Variants in LEKR1 observed in about 807,000 individuals in gnomAD.
LEKR1 encodes protein LEKR1.
In LEKR1, 59 loss-of-function variants were observed where a neutral mutation model predicts 72.4. The observed-to-expected ratio is 0.82, with a 90% CI of 0.66 to 1.01. The LOEUF (loss-of-function observed/expected upper bound fraction) is 1.01. Ranked by LOEUF, LEKR1 falls within the 50% of genes least tolerant of loss-of-function variation. LEKR1 has a pLI of 0.00. For synonymous variants in LEKR1, 257 were observed against 263.2 expected (o/e 0.98, Z 0.23); for missense variants, 728 against 759.2 (o/e 0.96, Z 0.48).
intron 3 of LEKR1, among the ~76,000 whole-genome samples, chr3:156,865,584 A>T (rs1717212927): frequency 1.6e-5 from 2 of 128,594 alleles, no homozygotes; most frequent in South Asian, 5.8e-4. Context: ...GCACATCTAC[A>T]GTCATCCCTC....
chr3:156,897,908 G>A (rs901438066), intron 3 of LEKR1, among the ~76,000 whole-genome samples: 1 of 150,722 alleles, frequency 6.6e-6, no homozygotes, highest in African/African-American at 2.4e-5. Flanking sequence ...AGCTGACATT[G>A]TGCCACTGCA....
intron 9 of LEKR1, among the ~76,000 whole-genome samples, chr3:157,006,152 C>T (rs141321769): frequency 0.088 from 13,372 of 151,626 alleles, 632 homozygotes; most frequent in African/African-American, 0.12. Context: ...ACTACAGGCG[C>T]CCGCCACCGC....
intron 2 of LEKR1, among the ~76,000 whole-genome samples, chr3:156,830,986 T>G (rs1488933489): frequency 6.6e-6 from 1 of 152,228 alleles, no homozygotes; most frequent in Non-Finnish European, 1.5e-5. Context: ...TTGTTTTGTT[T>G]TTTTGCAGTA....
rs976901565 is a variant in LEKR1 at position 157,014,245 on chromosome 3, A to G, written c.1203+2739A>G. 7.2e-5 allele frequency among the ~76,000 whole-genome samples: 11 copies of G among 152,240 alleles called. No individual in the cohort carries two copies. In the East Asian group the frequency reaches 7.7e-4, roughly 11 times the overall value. On this transcript the variant is annotated intron_variant, in intron 10 of 12. Transcript: ENST00000356539. ...TTCTAAGCAAATATTTTCTTAGATT[A>G]TCATCAAGACATCACACTTAAGAAC...
intron 3 of LEKR1, among the ~76,000 whole-genome samples, chr3:156,862,534 CACACAT>C (rs1716888439): frequency 6.6e-6 from 1 of 152,074 alleles, no homozygotes. Context: ...AGGGATGATA[CACACAT>C]TACTCATTGC....
intron 6 of LEKR1, among the ~76,000 whole-genome samples, chr3:156,962,050 C>T (rs753063116): frequency 4.6e-5 from 7 of 152,150 alleles, no homozygotes; most frequent in African/African-American, 1.7e-4. Context: ...TCTAGTCAGC[C>T]CTGATTAGCT....
chr3:156,999,162 C>T (rs1453913200), intron 9 of LEKR1, among the ~76,000 whole-genome samples: 3 of 152,134 alleles, frequency 2.0e-5, no homozygotes, highest in East Asian at 1.9e-4. Flanking sequence ...CCAAGCAATG[C>T]GGAACTGTGA....
At chr3:156,972,055 G>C (rs1007162021) in intron 6 of LEKR1, among the ~76,000 whole-genome samples, 3 of 151,920 alleles carry the variant, frequency 2.0e-5, no homozygotes, top group Admixed American at 6.6e-5. Context: ...TGTTTATTGC[G>C]GCACTATTCA....
At chr3:156,830,119 A>G (rs1224636963) in intron 2 of LEKR1, among the ~76,000 whole-genome samples, 1 of 152,254 alleles carries the variant, frequency 6.6e-6, no homozygotes, top group Non-Finnish European at 1.5e-5. Flanking sequence ...AATTGTAACT[A>G]CGTAAAATTA....
At chr3:156,894,838 A>C (rs780060310) in intron 3 of LEKR1, among the ~76,000 whole-genome samples, 6 of 152,212 alleles carry the variant, frequency 3.9e-5, no homozygotes, top group Non-Finnish European at 8.8e-5. Flanking sequence ...CTGGCTATAC[A>C]TAAGTGGAAG....
intron 3 of LEKR1, among the ~76,000 whole-genome samples, chr3:156,892,552 A>C (rs1457664266): frequency 6.6e-6 from 1 of 152,212 alleles, no homozygotes; most frequent in African/African-American, 2.4e-5. Context: ...TAGGTGAGCA[A>C]CTAAGAATTA....
intron 3 of LEKR1, among the ~76,000 whole-genome samples, chr3:156,890,903 AGGCTG>A (rs1720591634): frequency 7.2e-6 from 1 of 139,010 alleles, no homozygotes; most frequent in African/African-American, 2.7e-5. Flanking sequence ...TCTGTCGCCC[AGGCTG>A]GAGTGCAGTG....
At chr3:157,013,104 A>G (rs1320002097) in intron 10 of LEKR1, among the ~76,000 whole-genome samples, 1 of 152,144 alleles carries the variant, frequency 6.6e-6, no homozygotes, top group Non-Finnish European at 1.5e-5. Context: ...ATTTGTCAAT[A>G]TGTACCAAGA....
At chr3:156,846,336 A>G (rs1198305606) in intron 2 of LEKR1, among the ~76,000 whole-genome samples, 1 of 151,972 alleles carries the variant, frequency 6.6e-6, no homozygotes, top group African/African-American at 2.4e-5. Context: ...CTCTGGCTAG[A>G]TATTCTAGCA....
intron 3 of LEKR1, among the ~76,000 whole-genome samples, chr3:156,873,282 C>G (rs571206842): frequency 6.6e-6 from 1 of 151,882 alleles, no homozygotes; most frequent in South Asian, 2.1e-4. Flanking sequence ...CTTTTTGCAT[C>G]TCTTTCTTTT....
chr3:156,909,792 T>C (rs1472380231), intron 3 of LEKR1, among the ~76,000 whole-genome samples: 1 of 152,152 alleles, frequency 6.6e-6, no homozygotes. Flanking sequence ...TTTTAACAGA[T>C]TTTTAAAAAT....
chr3:156,986,399 G>C (rs1347782153), intron 7 of LEKR1, among the ~76,000 whole-genome samples: 1 of 152,162 alleles, frequency 6.6e-6, no homozygotes, highest in Non-Finnish European at 1.5e-5. Context: ...AGTCTGGGTG[G>C]AAGGCTGTGC....
chr3:156,949,401 C>G (rs1333621849), intron 6 of LEKR1, among the ~76,000 whole-genome samples: 1 of 151,614 alleles, frequency 6.6e-6, no homozygotes, highest in Non-Finnish European at 1.5e-5. Context: ...TATCCCAGCA[C>G]CGTTTACTGA....
chr3:156,964,123 A>G (rs1728356813), intron 6 of LEKR1, among the ~76,000 whole-genome samples: 1 of 152,210 alleles, frequency 6.6e-6, no homozygotes. Flanking sequence ...TTCCCTTACC[A>G]AAATAAGACA....
Sources: gnomAD v4.1 joint callset for allele counts (sites outside exome capture counted in the v4.1 genomes callset) on GRCh38, gnomAD v4.1.1 for gene constraint, MANE v1.5 for transcripts, NCBI Gene and HGNC (gene_info 2026-07-23, HGNC 2026-07-21) for gene names.